Variants in NRXN3 observed in about 807,000 individuals in gnomAD.
NRXN3 encodes the protein neurexin III.
A neutral mutation model predicts 137.6 loss-of-function variants in NRXN3; 32 were observed. The observed-to-expected ratio is 0.23, with a 90% CI of 0.18 to 0.31. The LOEUF (loss-of-function observed/expected upper bound fraction) is 0.31, where lower values mean the gene tolerates loss of function less well. Ranked by LOEUF, NRXN3 falls within the 10% of genes least tolerant of loss-of-function variation. NRXN3 has a pLI of 1.00. For synonymous variants in NRXN3, 798 were observed against 784.5 expected (o/e 1.02, Z -0.29); for missense variants, 1,574 against 2,062.5 (o/e 0.76, Z 4.59).
intron 1 of NRXN3, among the ~76,000 whole-genome samples, chr14:78,194,105 A>G (rs1233031799): frequency 6.6e-6 from 1 of 152,158 alleles, no homozygotes; most frequent in African/African-American, 2.4e-5. Flanking sequence ...ATGATGTGCG[A>G]CCCACATCGG....
At chr14:78,681,270 C>T (rs1190390500) in intron 6 of NRXN3, among the ~76,000 whole-genome samples, 1 of 152,140 alleles carries the variant, frequency 6.6e-6, no homozygotes, top group African/African-American at 2.4e-5. Context: ...ATAGCAAGGC[C>T]ACATCTTCTT....
Position 79,155,066 on chromosome 14 carries a change from A to G in NRXN3, c.3262+166925A>G, listed in dbSNP as rs926230729. Among the ~76,000 whole-genome samples the G allele has an allele frequency of 4.6e-5, 7 of 151,802 alleles. 1 individual carries two copies. The highest frequency in any genetic ancestry group is 1.5e-5 in the Non-Finnish European group (1 of 67,874). On this transcript the variant is annotated intron_variant, in intron 15 of 20. Coordinates refer to ENST00000335750, the MANE Select transcript of NRXN3 (RefSeq NM_001330195.2). The stretch of plus-strand genomic sequence containing the variant: ...TGTGGCATCCTATTCATTGTCAACT[A>G]CTGGACTTTTTCCTCCCCGTCGTGG...
intron 15 of NRXN3, among the ~76,000 whole-genome samples, chr14:79,304,581 T>C (rs2085715780): frequency 6.6e-6 from 1 of 152,048 alleles, no homozygotes; most frequent in African/African-American, 2.4e-5. Context: ...AAATAAAATA[T>C]TTGATTGATT....
chr14:79,154,889 A>G (rs1301320150), intron 15 of NRXN3, among the ~76,000 whole-genome samples: 1 of 151,958 alleles, frequency 6.6e-6, no homozygotes, highest in Non-Finnish European at 1.5e-5. Context: ...CTGAATCTTC[A>G]TCCTTTGACT....
chr14:78,852,007 A>T (rs891211326), intron 10 of NRXN3, among the ~76,000 whole-genome samples: 2 of 152,194 alleles, frequency 1.3e-5, no homozygotes, highest in Non-Finnish European at 2.9e-5. Context: ...CAGTTCCTTC[A>T]AATTAAATTA....
chr14:79,697,753 C>A lies in NRXN3; in HGVS notation c.3830C>A (p.Ala1277Glu). 6.2e-7 allele frequency: 1 copy of A among 1,613,034 alleles called. No homozygotes were observed. The highest frequency in any genetic ancestry group is 8.5e-7 in the Non-Finnish European group (1 of 1,179,400). Residue 1277 changes from alanine (A) to glutamate (E), a missense_variant, in exon 19 of 21, where the codon GCG becomes GAG. Ala to Glu is a moderately radical substitution (Grantham distance 107). Around this residue, in one of 5 missense-constraint regions of NRXN3, gnomAD observed 320 missense variants for 387.1 expected, o/e 0.83. Transcript: ENST00000335750. ...YYDGLKVLNM[A>E]AENNPNIKIN... is the part of the protein sequence containing the mutation. ...GATGGTTTGAAAGTACTGAACATGG[C>A]GGCTGAGAACAACCCCAATATTAAA...
intron 1 of NRXN3, among the ~76,000 whole-genome samples, chr14:78,234,811 G>A (rs1596227408): frequency 6.6e-6 from 1 of 151,510 alleles, no homozygotes; most frequent in African/African-American, 2.4e-5. Context: ...CAAAATAAAT[G>A]AAAAACTTTC....
At chr14:78,312,032 C>A (rs991781600) in intron 4 of NRXN3, among the ~76,000 whole-genome samples, 18 of 152,108 alleles carry the variant, frequency 1.2e-4, no homozygotes, top group Admixed American at 1.2e-3. Context: ...TTTCTGACTT[C>A]AGATGTTGTT....
At position 78,221,092 on chromosome 14, in the gene NRXN3, G is replaced by T. The variant is rs76467283; in HGVS notation, c.-703-21299G>T. Among the ~76,000 whole-genome samples the T allele has an allele frequency of 4.1e-3, 621 of 152,260 alleles. 35 individuals are homozygous for T. The East Asian group carries it at 0.11, about 26-fold the overall frequency. On this transcript the variant is annotated intron_variant, in intron 1 of 20. Coordinates refer to ENST00000335750, the MANE Select transcript of NRXN3 (RefSeq NM_001330195.2). ...CTGTTGCTCAGGAGCAGGGGAAGTG[G>T]TTGCTTAGATTCCTCAAGATAGAGA...
At chr14:79,540,393 A>G (rs1023975440) in intron 16 of NRXN3, among the ~76,000 whole-genome samples, 1 of 152,172 alleles carries the variant, frequency 6.6e-6, no homozygotes, top group African/African-American at 2.4e-5. Context: ...TAGCGTATTC[A>G]TCACCTCATA....
At chr14:79,630,822 G>A (rs1246440167) in intron 16 of NRXN3, among the ~76,000 whole-genome samples, 1 of 152,184 alleles carries the variant, frequency 6.6e-6, no homozygotes, top group East Asian at 1.9e-4. Flanking sequence ...AATGTTCAAA[G>A]TTCTCAAGAC....
At chr14:78,613,578 GTTTTTTTTTT>G (rs57745190) in intron 4 of NRXN3, among the ~76,000 whole-genome samples, 7,107 of 95,274 alleles carry the variant, frequency 0.075, 273 homozygotes, top group Middle Eastern at 0.21. Flanking sequence ...CACAACCATA[GTTTTTTTTTT>G]TTTTTTTTTT....
chr14:78,595,325 G>A (rs1333819386), intron 4 of NRXN3, among the ~76,000 whole-genome samples: 2 of 152,188 alleles, frequency 1.3e-5, no homozygotes, highest in South Asian at 2.1e-4. Context: ...TATCCCAGTG[G>A]TTAAGGACAA....
At chr14:79,712,087 A>AGACTT (rs1323273055) in intron 19 of NRXN3, among the ~76,000 whole-genome samples, 4 of 152,106 alleles carry the variant, frequency 2.6e-5, no homozygotes, top group South Asian at 4.1e-4. Flanking sequence ...TAGCATCGTG[A>AGACTT]GACTTAAAAT....
rs369060162 is a variant in NRXN3 at position 79,040,884 on chromosome 14, C to T, written c.3262+52743C>T. On this transcript the variant is annotated intron_variant, in intron 15 of 20. Transcript: ENST00000335750. Reference sequence around the variant, plus strand: ...TTGAGGTGGAATTTTTCATTGCAGGCATGTCTGGGCAAGTCACCTGTTTAG... The same window carrying T: ...TTGAGGTGGAATTTTTCATTGCAGGTATGTCTGGGCAAGTCACCTGTTTAG... Among the ~76,000 whole-genome samples the T allele has an allele frequency of 5.3e-4, 80 of 152,212 alleles. 1 individual carries two copies. In the South Asian group the frequency reaches 0.016, roughly 30 times the overall value.
At chr14:78,395,828 G>C (rs2091393960) in intron 4 of NRXN3, among the ~76,000 whole-genome samples, 2 of 151,668 alleles carry the variant, frequency 1.3e-5, no homozygotes, top group African/African-American at 4.8e-5. Context: ...GATTATCTTT[G>C]TGTGATTTAT....
At chr14:79,667,753 G>A (rs2098572910) in intron 17 of NRXN3, among the ~76,000 whole-genome samples, 2 of 152,128 alleles carry the variant, frequency 1.3e-5, no homozygotes, top group African/African-American at 4.8e-5. Flanking sequence ...TCCTTATAAA[G>A]TCTCTGATTG....
At chr14:78,336,017 C>T (rs1437272492) in intron 4 of NRXN3, among the ~76,000 whole-genome samples, 1 of 152,210 alleles carries the variant, frequency 6.6e-6, no homozygotes, top group African/African-American at 2.4e-5. Context: ...GAGCTGTGGT[C>T]TTCAAAATCC....
chr14:79,372,299 G>A (rs899854847), intron 15 of NRXN3, among the ~76,000 whole-genome samples: 21 of 152,024 alleles, frequency 1.4e-4, no homozygotes, highest in Admixed American at 2.0e-4. Flanking sequence ...GATAAATTTC[G>A]GCACACAGGG....
Sources: allele counts gnomAD v4.1 joint callset (sites outside exome capture counted in the v4.1 genomes callset), GRCh38; gene constraint gnomAD v4.1.1; regional missense constraint gnomAD v4.1.1; transcripts MANE v1.5; gene names NCBI Gene and HGNC (gene_info 2026-07-23, HGNC 2026-07-21).